Variants in ARHGEF7 observed in about 807,000 individuals in gnomAD.
The protein encoded by ARHGEF7 is Rho guanine nucleotide exchange factor 7.
ARHGEF7 carries 33 observed loss-of-function variants against 109.8 expected under a neutral mutation model. That is an observed-to-expected ratio of 0.30 (90% confidence interval 0.23 to 0.40). ARHGEF7 has a LOEUF of 0.40. Among genes scored for constraint, ARHGEF7 ranks in the 10% least tolerant of loss-of-function variants. ARHGEF7 has a pLI of 1.00. For missense variants in ARHGEF7, 938 were observed against 1,098.5 expected, an observed-to-expected ratio of 0.85 and a Z score of 2.07; for synonymous variants, 458 against 424.6, an observed-to-expected ratio of 1.08 and a Z score of -0.97.
intron 2 of ARHGEF7, among the ~76,000 whole-genome samples, chr13:111,176,902 G>A (rs975284427): frequency 2.6e-5 from 4 of 152,156 alleles, no homozygotes; most frequent in Non-Finnish European, 5.9e-5. Context: ...GACTACAGGC[G>A]TGTACCACCA....
intron 6 of ARHGEF7, among the ~76,000 whole-genome samples, chr13:111,237,703 A>G (rs1187037384): frequency 6.6e-6 from 1 of 152,244 alleles, no homozygotes; most frequent in Non-Finnish European, 1.5e-5. Context: ...GTCCATTTGT[A>G]GTTACTAAAG....
At chr13:111,277,035 A>G (rs766568699) in intron 12 of ARHGEF7, among the ~76,000 whole-genome samples, 2 of 152,214 alleles carry the variant, frequency 1.3e-5, no homozygotes, top group Non-Finnish European at 2.9e-5. Context: ...GGATGAAAAC[A>G]ACACTGAGTC....
chr13:111,185,586 T>C lies in ARHGEF7; in HGVS notation c.253-19703T>C, dbSNP rs976922634. Among the ~76,000 whole-genome samples the C allele has an allele frequency of 2.6e-5, 4 of 152,262 alleles. No individual in the cohort carries two copies. The South Asian group carries it at 8.3e-4, about 32-fold the overall frequency. ...GGCGCATTGCCTTTATAGCTGTAAA[T>C]GTTACTGCTTCACTTACTGTTAGCC... On this transcript the variant is annotated intron_variant, in intron 2 of 21. Transcript: ENST00000646102.
chr13:111,291,444 G>T (rs2093279792), intron 18 of ARHGEF7, among the ~76,000 whole-genome samples: 1 of 152,240 alleles, frequency 6.6e-6, no homozygotes, highest in South Asian at 2.1e-4. Context: ...CTGCCTGCGG[G>T]CTAAGCTCCA....
chr13:111,184,218 C>T (rs916373413), intron 2 of ARHGEF7, among the ~76,000 whole-genome samples: 2 of 152,126 alleles, frequency 1.3e-5, no homozygotes, highest in Non-Finnish European at 2.9e-5. Context: ...TGCCTTTTGC[C>T]GTGATTGTAA....
intron 15 of ARHGEF7, chr13:111,282,841 G>A (rs1048104325): frequency 1.6e-5 from 8 of 502,232 alleles, no homozygotes; most frequent in Admixed American, 1.1e-4. Flanking sequence ...ATGTTACTCC[G>A]TAGCTAATAA....
chr13:111,260,447 A>G (rs889921489), intron 8 of ARHGEF7, among the ~76,000 whole-genome samples: 1 of 152,248 alleles, frequency 6.6e-6, no homozygotes, highest in Non-Finnish European at 1.5e-5. Context: ...AGGCCAGGAG[A>G]CTGTGGGCCT....
intron 2 of ARHGEF7, among the ~76,000 whole-genome samples, chr13:111,193,945 A>G (rs2080198772): frequency 6.6e-6 from 1 of 152,240 alleles, no homozygotes. Context: ...CTCAAGGAGT[A>G]GTGCCTGGTA....
At chr13:111,176,859 C>T (rs183572752) in intron 2 of ARHGEF7, among the ~76,000 whole-genome samples, 12 of 152,324 alleles carry the variant, frequency 7.9e-5, no homozygotes, top group Non-Finnish European at 1.3e-4. Context: ...CGGATTCAAG[C>T]GATTCTCCTG....
At chr13:111,146,711 G>C (rs1329522978) in intron 1 of ARHGEF7, among the ~76,000 whole-genome samples, 1 of 152,100 alleles carries the variant, frequency 6.6e-6, no homozygotes, top group Non-Finnish European at 1.5e-5. Context: ...CTGAGAGGTG[G>C]CAGCTGTCTT....
chr13:111,264,028 A>G (rs779954008), intron 8 of ARHGEF7, among the ~76,000 whole-genome samples: 14 of 151,946 alleles, frequency 9.2e-5, no homozygotes, highest in Non-Finnish European at 1.2e-4. Flanking sequence ...AATGGACAGA[A>G]CTGTGGCTAA....
At chr13:111,203,158 C>A in intron 2 of ARHGEF7, 4 of 1,191,072 alleles carry the variant, frequency 3.4e-6, no homozygotes, top group South Asian at 1.4e-5. Flanking sequence ...TTGTAGTATA[C>A]AAAATTGACA....
intron 9 of ARHGEF7, among the ~76,000 whole-genome samples, chr13:111,270,643 C>T (rs1301049329): frequency 6.6e-6 from 1 of 151,918 alleles, no homozygotes; most frequent in Admixed American, 6.5e-5. Flanking sequence ...TCTGCTGTAC[C>T]GTAGTTAGGA....
intron 16 of ARHGEF7, 153 bp downstream of exon 16, chr13:111,283,516 C>T (rs1350969770): frequency 9.5e-6 from 8 of 846,306 alleles, no homozygotes; most frequent in Non-Finnish European, 1.1e-5. Context: ...CTCTGGTTAT[C>T]TGCTCTGCTG....
intron 19 of ARHGEF7, chr13:111,293,537 G>A (rs756472144): frequency 2.2e-4 from 221 of 985,012 alleles, no homozygotes; most frequent in Non-Finnish European, 2.5e-4. Flanking sequence ...AGCACTGAAT[G>A]TGACCTGTTG....
intron 6 of ARHGEF7, among the ~76,000 whole-genome samples, chr13:111,238,677 T>G (rs1431192154): frequency 6.6e-6 from 1 of 151,742 alleles, no homozygotes; most frequent in African/African-American, 2.4e-5. Context: ...CTGATGGGGA[T>G]CAAAGGAAGG....
intron 8 of ARHGEF7, 136 bp downstream of exon 8, chr13:111,244,430 G>A (rs1172015917): frequency 6.6e-6 from 4 of 604,466 alleles, no homozygotes; most frequent in South Asian, 4.6e-5. Context: ...GGGTAAATCA[G>A]CTTTTACAGT....
chr13:111,206,964 A>G (rs1445829229), intron 3 of ARHGEF7, among the ~76,000 whole-genome samples: 3 of 139,914 alleles, frequency 2.1e-5, no homozygotes, highest in Admixed American at 1.4e-4. Context: ...TCCATCTAAA[A>G]AAAAAAAAAA....
chr13:111,133,213 A>G (rs1216886380), intron 1 of ARHGEF7, among the ~76,000 whole-genome samples: 2 of 152,074 alleles, frequency 1.3e-5, no homozygotes, highest in African/African-American at 4.8e-5. Context: ...GTATATGTGT[A>G]TATATGTGTG....
Sources: gnomAD v4.1 joint callset for allele counts (sites outside exome capture counted in the v4.1 genomes callset) on GRCh38, gnomAD v4.1.1 for gene constraint, MANE v1.5 for transcripts, NCBI Gene and HGNC (gene_info 2026-07-23, HGNC 2026-07-21) for gene names.